PDE4D: variants seen among roughly 807,000 people sequenced by gnomAD.
The protein encoded by PDE4D is phosphodiesterase 4D.
A neutral mutation model predicts 87.4 loss-of-function variants in PDE4D; 24 were observed. The ratio of observed to expected loss-of-function variants is 0.27; its 90% CI spans 0.20 to 0.39. The LOEUF (loss-of-function observed/expected upper bound fraction) is 0.39. Among genes scored for constraint, PDE4D ranks in the 10% least tolerant of loss-of-function variants. The pLI, the probability that PDE4D is intolerant of heterozygous loss-of-function variation, is 1.00. For synonymous variants in PDE4D, 384 were observed against 383.2 expected (o/e 1.00, Z -0.02); for missense variants, 714 against 1,041.0 (o/e 0.69, Z 4.32).
At chr5:59,259,889 G>T (rs937780804) in intron 1 of PDE4D, among the ~76,000 whole-genome samples, 5 of 151,650 alleles carry the variant, frequency 3.3e-5, no homozygotes, top group African/African-American at 9.7e-5. Context: ...TCTTCTCTCC[G>T]TCGGTCTGAA....
chr5:59,301,643 TAGAA>T (rs1770270262), intron 1 of PDE4D, among the ~76,000 whole-genome samples: 1 of 151,802 alleles, frequency 6.6e-6, no homozygotes, highest in African/African-American at 2.4e-5. Flanking sequence ...TGAGTAGAAA[TAGAA>T]AGGAGTTTTG....
At chr5:59,288,391 A>T (rs1767393781) in intron 1 of PDE4D, among the ~76,000 whole-genome samples, 1 of 151,986 alleles carries the variant, frequency 6.6e-6, no homozygotes, top group Non-Finnish European at 1.5e-5. Flanking sequence ...GCCTACTTGA[A>T]AATACAAAGA....
At chr5:59,736,775 C>T (rs973469110) in intron 1 of PDE4D, among the ~76,000 whole-genome samples, 3 of 151,942 alleles carry the variant, frequency 2.0e-5, no homozygotes, top group African/African-American at 7.2e-5. Context: ...AAGGTATGTG[C>T]AATAAAGATG....
intron 1 of PDE4D, among the ~76,000 whole-genome samples, chr5:59,517,205 T>C (rs16889921): frequency 0.24 from 35,774 of 152,078 alleles, 5,454 homozygotes; most frequent in African/African-American, 0.44. Context: ...TGATTAAACA[T>C]GTAGTATAGA....
At chr5:59,632,775 G>A (rs1831735034) in intron 1 of PDE4D, among the ~76,000 whole-genome samples, 1 of 152,122 alleles carries the variant, frequency 6.6e-6, no homozygotes, top group South Asian at 2.1e-4. Flanking sequence ...ATGAAGATGA[G>A]GAAAAACCAG....
chr5:60,212,089 G>A (rs1240655207), intron 1 of PDE4D, among the ~76,000 whole-genome samples: 14 of 152,082 alleles, frequency 9.2e-5, no homozygotes, highest in African/African-American at 3.1e-4. Flanking sequence ...AATGTACATA[G>A]CAGCTGTTAT....
At chr5:60,483,917 T>C (rs1748929445) in intron 1 of PDE4D, among the ~76,000 whole-genome samples, 1 of 152,140 alleles carries the variant, frequency 6.6e-6, no homozygotes, top group Non-Finnish European at 1.5e-5. Context: ...TGTTAGGAAA[T>C]CATCAAACTA....
intron 1 of PDE4D, among the ~76,000 whole-genome samples, chr5:59,866,374 A>T (rs956789874): frequency 6.6e-6 from 1 of 152,248 alleles, no homozygotes; most frequent in African/African-American, 2.4e-5. Context: ...CATCACTGAG[A>T]ATAAGTGCTT....
At chr5:60,502,120 G>A (rs1330797624) in intron 1 of PDE4D, among the ~76,000 whole-genome samples, 2 of 151,576 alleles carry the variant, frequency 1.3e-5, no homozygotes, top group South Asian at 2.1e-4. Flanking sequence ...TTCTTCTAGG[G>A]TTTTTATGGT....
intron 1 of PDE4D, among the ~76,000 whole-genome samples, chr5:59,307,577 A>G (rs1162924982): frequency 1.3e-5 from 2 of 152,174 alleles, no homozygotes; most frequent in Non-Finnish European, 2.9e-5. Flanking sequence ...TCTCAAAAGA[A>G]GACATTTATG....
intron 1 of PDE4D, among the ~76,000 whole-genome samples, chr5:59,436,280 C>A (rs1157547087): frequency 6.6e-6 from 1 of 151,976 alleles, no homozygotes; most frequent in Non-Finnish European, 1.5e-5. Context: ...CAGTGTCTTA[C>A]AAAATAATAA....
chr5:59,252,528 T>G (rs964053252), intron 1 of PDE4D, among the ~76,000 whole-genome samples: 7 of 132,450 alleles, frequency 5.3e-5, no homozygotes, highest in African/African-American at 2.2e-4. Flanking sequence ...ATCATCTGGG[T>G]TTTTTTTTTC....
intron 5 of PDE4D, among the ~76,000 whole-genome samples, chr5:59,145,237 G>T (rs1778459340): frequency 6.6e-6 from 1 of 152,220 alleles, no homozygotes. Context: ...GGTTCCTGGA[G>T]GTCCAGTGAT....
intron 1 of PDE4D, among the ~76,000 whole-genome samples, chr5:60,271,238 A>C (rs990498927): frequency 2.6e-5 from 4 of 152,180 alleles, no homozygotes; most frequent in African/African-American, 9.7e-5. Flanking sequence ...ATAAGGATTT[A>C]ATTACATTTT....
At chr5:59,021,764 A>G (rs955709253) in intron 6 of PDE4D, among the ~76,000 whole-genome samples, 3 of 152,238 alleles carry the variant, frequency 2.0e-5, no homozygotes, top group African/African-American at 7.2e-5. Flanking sequence ...GAGATTTAAA[A>G]TGGAATCAAG....
At chr5:59,510,983 G>A (rs1810193739) in intron 1 of PDE4D, among the ~76,000 whole-genome samples, 1 of 151,892 alleles carries the variant, frequency 6.6e-6, no homozygotes, top group South Asian at 2.1e-4. Context: ...CATTTGTGAT[G>A]CAAGACAAAA....
chr5:59,269,615 C>A (rs1763447082), intron 1 of PDE4D, among the ~76,000 whole-genome samples: 1 of 151,856 alleles, frequency 6.6e-6, no homozygotes, highest in South Asian at 2.1e-4. Context: ...GGTTTTCAAA[C>A]AATATTCCTT....
chr5:60,477,732 A>G (rs988739442), intron 1 of PDE4D, among the ~76,000 whole-genome samples: 1 of 152,180 alleles, frequency 6.6e-6, no homozygotes, highest in African/African-American at 2.4e-5. Flanking sequence ...TGTGTTGCCA[A>G]CTACCATTTT....
chr5:59,289,887 A>G (rs1342885110), intron 1 of PDE4D, among the ~76,000 whole-genome samples: 1 of 152,050 alleles, frequency 6.6e-6, no homozygotes, highest in Non-Finnish European at 1.5e-5. Context: ...GCCAACAGTG[A>G]ACAATCTGAA....
Sources: gnomAD v4.1 joint callset for allele counts (sites outside exome capture counted in the v4.1 genomes callset) on GRCh38, gnomAD v4.1.1 for gene constraint, MANE v1.5 for transcripts, NCBI Gene and HGNC (gene_info 2026-07-23, HGNC 2026-07-21) for gene names.